Variants in KCNQ3 observed in about 807,000 individuals in gnomAD.
KCNQ3 encodes the protein potassium voltage-gated channel subfamily KQT member 3.
Under a neutral mutation model 92.5 loss-of-function variants are expected in KCNQ3, and 30 were observed. The ratio of observed to expected loss-of-function variants is 0.32; its 90% CI spans 0.24 to 0.44. KCNQ3 has a LOEUF of 0.44. Ranked by LOEUF, KCNQ3 falls within the 20% of genes least tolerant of loss-of-function variation. The probability of loss-of-function intolerance (pLI) is 1.00; values close to 1 mark genes in which losing one functional copy is unlikely to be tolerated. For missense variants in KCNQ3, 913 were observed against 1,140.3 expected (o/e 0.80, Z 2.87); for synonymous variants, 450 against 468.8 (o/e 0.96, Z 0.52).
chr8:132,124,849 T>A lies in KCNQ3; in HGVS notation c.*4413A>T, dbSNP rs1824612260. 6.6e-6 allele frequency: 1 copy of A among 152,240 alleles called. No homozygotes were observed. The highest frequency in any genetic ancestry group is 2.4e-5 in the African/African-American group (1 of 41,462). 9.4% of individuals were successfully genotyped at this position (152,240 alleles called of 1,614,324 possible). On this transcript the variant is annotated 3_prime_UTR_variant, in exon 15 of 15. Transcript: ENST00000388996. The stretch of plus-strand genomic sequence containing the variant: ...CAAATACCAGCTATGTGGCATCTTC[T>A]GGGAAAGCACAGGGGTGGGAGAATC...
At chr8:132,404,719 C>A (rs992432103) in intron 1 of KCNQ3, among the ~76,000 whole-genome samples, 2 of 152,182 alleles carry the variant, frequency 1.3e-5, no homozygotes, top group Admixed American at 1.3e-4. Context: ...CATACAAGAA[C>A]TAAAACTCTT....
chr8:132,340,129 G>A (rs1291920825), intron 1 of KCNQ3, among the ~76,000 whole-genome samples: 1 of 152,204 alleles, frequency 6.6e-6, no homozygotes, highest in Non-Finnish European at 1.5e-5. Context: ...TGGCGAGGCT[G>A]TGGAGAAATA....
chr8:132,338,593 G>C (rs1052578900), intron 1 of KCNQ3, among the ~76,000 whole-genome samples: 1 of 152,150 alleles, frequency 6.6e-6, no homozygotes, highest in East Asian at 1.9e-4. Flanking sequence ...TGGTTTGACC[G>C]TGGTGTTCAG....
intron 1 of KCNQ3, among the ~76,000 whole-genome samples, chr8:132,402,692 G>A (rs1332083178): frequency 1.3e-5 from 2 of 152,090 alleles, no homozygotes; most frequent in Non-Finnish European, 2.9e-5. Context: ...TGCAAAGACA[G>A]AATTATAATA....
chr8:132,477,928 CGA>C (rs949660678), intron 1 of KCNQ3, among the ~76,000 whole-genome samples: 40 of 152,176 alleles, frequency 2.6e-4, no homozygotes, highest in African/African-American at 9.2e-4. Context: ...CATTCAAATG[CGA>C]GCTCCAGGAA....
chr8:132,413,707 C>T (rs916542170), intron 1 of KCNQ3, among the ~76,000 whole-genome samples: 3 of 152,234 alleles, frequency 2.0e-5, no homozygotes, highest in Non-Finnish European at 4.4e-5. Context: ...GAAAATACCC[C>T]CTTTCTTCCA....
At chr8:132,217,641 G>A (rs1414339201) in intron 1 of KCNQ3, among the ~76,000 whole-genome samples, 4 of 151,040 alleles carry the variant, frequency 2.6e-5, no homozygotes, top group African/African-American at 4.9e-5. Context: ...AACCTGGGAG[G>A]TGGAGCTTGC....
intron 1 of KCNQ3, among the ~76,000 whole-genome samples, chr8:132,476,020 C>T (rs1822402999): frequency 6.6e-6 from 1 of 152,226 alleles, no homozygotes; most frequent in South Asian, 2.1e-4. Context: ...CCAGCCATGG[C>T]TAAAAGGGAG....
intron 1 of KCNQ3, among the ~76,000 whole-genome samples, chr8:132,343,129 C>G (rs1011460254): frequency 1.3e-5 from 2 of 152,234 alleles, no homozygotes; most frequent in African/African-American, 4.8e-5. Context: ...GACTGCTCAC[C>G]TCTTCATTCT....
chr8:132,368,215 T>C (rs567214397), intron 1 of KCNQ3, among the ~76,000 whole-genome samples: 2 of 152,350 alleles, frequency 1.3e-5, no homozygotes, highest in East Asian at 1.9e-4. Context: ...CTATTGTTTT[T>C]CCAAGAACCT....
intron 3 of KCNQ3, among the ~76,000 whole-genome samples, chr8:132,180,967 G>T (rs1826747589): frequency 6.6e-6 from 1 of 152,094 alleles, no homozygotes; most frequent in South Asian, 2.1e-4. Context: ...GCCTCCTGCT[G>T]GTTGAAGGTC....
Position 132,150,057 on chromosome 8 carries a change from C to T in KCNQ3, c.1263-8726G>A, listed in dbSNP as rs367962683. Among the ~76,000 whole-genome samples the T allele has an allele frequency of 1.2e-4, 17 of 147,352 alleles. No homozygotes were observed. The East Asian group carries it at 2.4e-3, about 21-fold the overall frequency. The stretch of plus-strand genomic sequence containing the variant: ...TCCTTTTCTCTACCCTGTCAGCAGA[C>T]GACTTTTAAACAAAGCTTTTTTTTT... On this transcript the variant is annotated intron_variant, in intron 9 of 14. Transcript: ENST00000388996.
chr8:132,123,984 T>C lies in KCNQ3; in HGVS notation c.*5278A>G, dbSNP rs1306636890. On this transcript the variant is annotated 3_prime_UTR_variant, in exon 15 of 15. Coordinates refer to ENST00000388996, the MANE Select transcript of KCNQ3 (RefSeq NM_004519.4). ...GTTGTCTGATAGCCACCATGCACAG[T>C]TGACTTTCCTTGGGAAATCATGAGT... 6 of 152,228 alleles carry C rather than the reference T, an allele frequency of 3.9e-5. No individual in the cohort carries two copies. In the East Asian group the frequency reaches 9.6e-4, roughly 24 times the overall value. 9.4% of individuals were successfully genotyped at this position (152,228 alleles called of 1,614,324 possible).
intron 1 of KCNQ3, among the ~76,000 whole-genome samples, chr8:132,266,206 T>C (rs1454749125): frequency 1.3e-5 from 2 of 152,212 alleles, no homozygotes; most frequent in Non-Finnish European, 2.9e-5. Context: ...ATTGACTTGA[T>C]TGGTAGACAG....
intron 1 of KCNQ3, among the ~76,000 whole-genome samples, chr8:132,390,379 C>T (rs1275182579): frequency 6.6e-6 from 1 of 152,110 alleles, no homozygotes; most frequent in African/African-American, 2.4e-5. Flanking sequence ...GGTCTTGCTC[C>T]TGGTGGTGAC....
chr8:132,456,821 T>G (rs1356842440), intron 1 of KCNQ3, among the ~76,000 whole-genome samples: 6 of 152,040 alleles, frequency 3.9e-5, no homozygotes, highest in African/African-American at 1.4e-4. Flanking sequence ...ATCACATTGC[T>G]CAAGCTGGTC....
chr8:132,447,237 A>G, intron 1 of KCNQ3: 1 of 1,535,698 alleles, frequency 6.5e-7, no homozygotes, highest in Non-Finnish European at 8.7e-7. Flanking sequence ...AAGGTAATGA[A>G]TGCAAGAACA....
intron 1 of KCNQ3, among the ~76,000 whole-genome samples, chr8:132,269,708 C>A (rs1816094325): frequency 6.6e-6 from 1 of 152,162 alleles, no homozygotes; most frequent in African/African-American, 2.4e-5. Context: ...ATTGTCTTAA[C>A]TAAGGAACAA....
intron 1 of KCNQ3, among the ~76,000 whole-genome samples, chr8:132,422,714 T>G (rs1383063576): frequency 6.6e-6 from 1 of 152,202 alleles, no homozygotes; most frequent in Admixed American, 6.5e-5. Context: ...AACTAAGCAC[T>G]TCATTTCCAA....
Sources: allele counts gnomAD v4.1 joint callset (sites outside exome capture counted in the v4.1 genomes callset), GRCh38; gene constraint gnomAD v4.1.1; transcripts MANE v1.5; gene names NCBI Gene and HGNC (gene_info 2026-07-23, HGNC 2026-07-21).